The following USH2A variants were observed in gnomAD, a reference collection of about 807,000 sequenced individuals.
USH2A encodes the protein usherin, also known as Usher syndrome 2A (autosomal recessive, mild).
Under a neutral mutation model 538.9 loss-of-function variants are expected in USH2A, and 443 were observed. The observed-to-expected ratio is 0.82, with a 90% CI of 0.76 to 0.89. The LOEUF (loss-of-function observed/expected upper bound fraction) is 0.89. Among genes scored for constraint, USH2A ranks in the 40% least tolerant of loss-of-function variants. USH2A has a pLI of 0.00. For missense variants in USH2A, 6,633 were observed against 6,324.8 expected (o/e 1.05, Z -1.65); for synonymous variants, 2,413 against 2,273.5 (o/e 1.06, Z -1.75).
chr1:215,921,040 G>A (rs1003207243), intron 38 of USH2A, among the ~76,000 whole-genome samples: 3 of 151,974 alleles, frequency 2.0e-5, no homozygotes, highest in African/African-American at 7.2e-5. Context: ...GGAAGAAAAA[G>A]ATTCTTTCTT....
At chr1:216,001,807 A>G (rs1351533538) in intron 32 of USH2A, among the ~76,000 whole-genome samples, 3 of 152,200 alleles carry the variant, frequency 2.0e-5, no homozygotes, top group African/African-American at 7.2e-5. Context: ...AGTACAATCA[A>G]TTGGTTAAAC....
At chr1:216,105,106 T>G (rs1052703521) in intron 21 of USH2A, among the ~76,000 whole-genome samples, 1 of 152,154 alleles carries the variant, frequency 6.6e-6, no homozygotes, top group Non-Finnish European at 1.5e-5. Context: ...AAAACCATAA[T>G]GAGATACCAT....
At chr1:216,179,034 A>G (rs1482685344) in intron 20 of USH2A, among the ~76,000 whole-genome samples, 3 of 152,060 alleles carry the variant, frequency 2.0e-5, no homozygotes, top group Admixed American at 2.0e-4. Context: ...GAAGAATTTC[A>G]TTGCTGTTTG....
chr1:215,863,257 C>T (rs1172576298), intron 44 of USH2A, among the ~76,000 whole-genome samples: 3 of 152,096 alleles, frequency 2.0e-5, no homozygotes, highest in Non-Finnish European at 4.4e-5. Flanking sequence ...AGACAGATTA[C>T]AACAGGTGCA....
chr1:215,654,357 C>A (rs766509069), intron 64 of USH2A, among the ~76,000 whole-genome samples: 21 of 152,054 alleles, frequency 1.4e-4, no homozygotes, highest in Admixed American at 4.6e-4. Flanking sequence ...GTGTGATGTT[C>A]CCCTCCCTGT....
chr1:215,674,794 T>G lies in USH2A; in HGVS notation c.13117A>C (p.Asn4373His). The G allele has an allele frequency of 6.2e-7, 1 of 1,614,138 alleles. No homozygotes were observed. Among genetic ancestry groups the G allele is most frequent in the Non-Finnish European group, 8.5e-7 (1 of 1,180,030 alleles). ...ACTGTGGGCGGTGACCAACATACATTCATTTGAGTGGCACTGACGGCCCAA... is the reference window on the plus strand; with the variant it reads ...ACTGTGGGCGGTGACCAACATACATGCATTTGAGTGGCACTGACGGCCCAA... ...DLWAVSATQMNVCWSPPTVQN... is the reference protein window; with the variant it reads ...DLWAVSATQMHVCWSPPTVQN... Residue 4373 changes from asparagine (N) to histidine (H), a missense_variant, in exon 63 of 72, where the codon AAT (asparagine) becomes CAT (histidine). By Grantham distance (68) the Asn-to-His change is moderately conservative. Transcript: ENST00000307340.
chr1:216,037,131 T>G (rs1213813156), intron 32 of USH2A, among the ~76,000 whole-genome samples: 1 of 152,032 alleles, frequency 6.6e-6, no homozygotes, highest in Non-Finnish European at 1.5e-5. Flanking sequence ...CCTTAAAGAT[T>G]TTTTTAAGAT....
intron 9 of USH2A, among the ~76,000 whole-genome samples, chr1:216,294,998 T>C (rs1305418820): frequency 1.3e-5 from 2 of 151,834 alleles, no homozygotes; most frequent in African/African-American, 4.8e-5. Context: ...TTTATTTCCT[T>C]CCCCTACTTT....
chr1:215,916,600 T>A (rs1665961282), intron 38 of USH2A, among the ~76,000 whole-genome samples: 1 of 152,114 alleles, frequency 6.6e-6, no homozygotes, highest in Non-Finnish European at 1.5e-5. Flanking sequence ...AGATTTCACC[T>A]AGGTCCAGTA....
chr1:215,814,096 G>C (rs1662786741), intron 48 of USH2A, among the ~76,000 whole-genome samples, 192 bp from the exon 49 acceptor site: 1 of 150,332 alleles, frequency 6.7e-6, no homozygotes, highest in Non-Finnish European at 1.5e-5. Context: ...ATAGAATGCA[G>C]CTTTTTTGAA....
chr1:215,647,897 T>G (rs1656911933), intron 66 of USH2A, among the ~76,000 whole-genome samples, 167 bp from the exon 67 acceptor site: 1 of 152,200 alleles, frequency 6.6e-6, no homozygotes, highest in African/African-American at 2.4e-5. Flanking sequence ...CCTTATGTAA[T>G]GCTATTGGAA....
chr1:216,375,945 G>A (rs901022385), intron 3 of USH2A, among the ~76,000 whole-genome samples: 17 of 152,062 alleles, frequency 1.1e-4, no homozygotes, highest in South Asian at 8.3e-4. Context: ...TTCTGTCGGT[G>A]GAGAAGTCAT....
chr1:216,088,627 A>T (rs2032206821), intron 23 of USH2A, among the ~76,000 whole-genome samples: 1 of 152,220 alleles, frequency 6.6e-6, no homozygotes, highest in Non-Finnish European at 1.5e-5. Context: ...TGTGTAAGTT[A>T]GGAAAAAATA....
intron 4 of USH2A, among the ~76,000 whole-genome samples, chr1:216,362,002 C>T (rs1033103951): frequency 6.6e-6 from 1 of 152,054 alleles, no homozygotes; most frequent in South Asian, 2.1e-4. Context: ...CATTAGGGGA[C>T]TCTGAGATTC....
intron 4 of USH2A, 88 bp from the exon 5 acceptor site, chr1:216,327,742 T>C (rs932711720): frequency 1.1e-5 from 17 of 1,514,072 alleles, no homozygotes; most frequent in South Asian, 9.0e-5. Flanking sequence ...CCTTTGAAGA[T>C]GTTAAGGTTA....
At chr1:215,930,864 GTTT>G (rs1666346084) in intron 38 of USH2A, among the ~76,000 whole-genome samples, 1 of 151,868 alleles carries the variant, frequency 6.6e-6, no homozygotes, top group South Asian at 2.1e-4. Context: ...ATTTGGATTC[GTTT>G]TTATTTTTTT....
intron 32 of USH2A, among the ~76,000 whole-genome samples, chr1:216,022,295 T>G (rs945311367): frequency 6.6e-6 from 1 of 152,120 alleles, no homozygotes; most frequent in Non-Finnish European, 1.5e-5. Flanking sequence ...GGAGTGGCAT[T>G]CTTGGCGTGG....
chr1:216,369,920 C>CA (rs71161416), intron 3 of USH2A, among the ~76,000 whole-genome samples: 21,114 of 125,248 alleles, frequency 0.17, 2,021 homozygotes, highest in African/African-American at 0.22. Context: ...GAGACTCTGC[C>CA]AAAAAAAAAA....
intron 34 of USH2A, among the ~76,000 whole-genome samples, chr1:215,994,252 T>G (rs1305853855): frequency 6.6e-6 from 1 of 152,166 alleles, no homozygotes; most frequent in Non-Finnish European, 1.5e-5. Flanking sequence ...ATTACTAAGA[T>G]AAAAAATTAA....
Sources: allele counts gnomAD v4.1 joint callset (sites outside exome capture counted in the v4.1 genomes callset), GRCh38; gene constraint gnomAD v4.1.1; transcripts MANE v1.5; gene names NCBI Gene and HGNC (gene_info 2026-07-23, HGNC 2026-07-21).